The following KCNB2 variants were observed in gnomAD, a reference collection of about 807,000 sequenced individuals.
The protein encoded by KCNB2 is delayed rectifier potassium channel protein.
Under a neutral mutation model 61.5 loss-of-function variants are expected in KCNB2, and 15 were observed. That is an observed-to-expected ratio of 0.24 (90% confidence interval 0.16 to 0.38). KCNB2 has a LOEUF of 0.38. Ranked by LOEUF, KCNB2 falls within the 10% of genes least tolerant of loss-of-function variation. The pLI, the probability that KCNB2 is intolerant of heterozygous loss-of-function variation, is 1.00. For missense variants in KCNB2, 828 were observed against 1,125.2 expected (o/e 0.74, Z 3.78); for synonymous variants, 457 against 446.0 (o/e 1.02, Z -0.31).
chr8:72,672,058 G>T (rs531879188), intron 2 of KCNB2, among the ~76,000 whole-genome samples: 1 of 152,264 alleles, frequency 6.6e-6, no homozygotes, highest in African/African-American at 2.4e-5. Context: ...TGTGGCAATA[G>T]ATAACTGATA....
chr8:72,723,952 A>AT (rs1230809770), intron 2 of KCNB2, among the ~76,000 whole-genome samples: 3 of 151,936 alleles, frequency 2.0e-5, no homozygotes, highest in African/African-American at 2.4e-5. Flanking sequence ...TCCTGTATCG[A>AT]TTTTTTTTGG....
At chr8:72,676,822 G>A (rs970301306) in intron 2 of KCNB2, among the ~76,000 whole-genome samples, 5 of 152,034 alleles carry the variant, frequency 3.3e-5, no homozygotes, top group African/African-American at 4.8e-5. Flanking sequence ...CACTACCACC[G>A]CTAACCCTCA....
chr8:72,851,788 T>C (rs1250658336), intron 2 of KCNB2, among the ~76,000 whole-genome samples: 1 of 143,704 alleles, frequency 7.0e-6, no homozygotes, highest in Non-Finnish European at 1.5e-5. Context: ...CAAAGCGTTC[T>C]TTCTTCTTCC....
chr8:72,899,506 A>G (rs1195351755), intron 2 of KCNB2, among the ~76,000 whole-genome samples: 1 of 152,168 alleles, frequency 6.6e-6, no homozygotes, highest in African/African-American at 2.4e-5. Flanking sequence ...AGCTCCCAAA[A>G]CTGATAAATG....
rs186805146 is a variant in KCNB2, at chr8:72,629,094, C to T, written c.579+60781C>T. Among the ~76,000 whole-genome samples the T allele has an allele frequency of 9.7e-4, 148 of 152,290 alleles. 1 individual carries two copies. Among genetic ancestry groups the T allele is most frequent in the African/African-American group, 3.2e-3 (132 of 41,564 alleles). On this transcript the variant is annotated intron_variant, in intron 2 of 2. Transcript: ENST00000523207. The stretch of plus-strand genomic sequence containing the variant: ...AAAAAAAGAAGACATTTGAAGCATT[C>T]GTGTCACACAATAGTCTTGATGTAG...
intron 2 of KCNB2, among the ~76,000 whole-genome samples, chr8:72,738,021 C>G (rs1285783697): frequency 6.6e-6 from 1 of 152,092 alleles, no homozygotes; most frequent in Non-Finnish European, 1.5e-5. Flanking sequence ...CTATTTATAT[C>G]AAAAATATAC....
intron 2 of KCNB2, among the ~76,000 whole-genome samples, chr8:72,826,979 A>C (rs982026937): frequency 6.6e-6 from 1 of 152,250 alleles, no homozygotes; most frequent in African/African-American, 2.4e-5. Flanking sequence ...GCTGCAGAGA[A>C]AGGATCAAAC....
At chr8:72,797,191 C>G (rs766581517) in intron 2 of KCNB2, among the ~76,000 whole-genome samples, 1 of 152,086 alleles carries the variant, frequency 6.6e-6, no homozygotes, top group Non-Finnish European at 1.5e-5. Context: ...AAAAGAGAAT[C>G]CTTGTTTGCC....
intron 2 of KCNB2, among the ~76,000 whole-genome samples, chr8:72,927,685 C>T (rs1043386711): frequency 1.4e-4 from 21 of 152,234 alleles, no homozygotes; most frequent in African/African-American, 5.1e-4. Context: ...AACATAGAGG[C>T]ATCATTCACG....
chr8:72,639,710 C>T (rs1328602924), intron 2 of KCNB2, among the ~76,000 whole-genome samples: 1 of 151,960 alleles, frequency 6.6e-6, no homozygotes, highest in African/African-American at 2.4e-5. Flanking sequence ...CTAAAATCAC[C>T]AAGGAAGCTT....
intron 2 of KCNB2, among the ~76,000 whole-genome samples, chr8:72,646,756 G>A (rs1470137126): frequency 6.6e-6 from 1 of 152,158 alleles, no homozygotes; most frequent in Non-Finnish European, 1.5e-5. Context: ...AGTGCTTAGT[G>A]AGTATGAGGT....
chr8:72,689,865 C>T (rs945466011), intron 2 of KCNB2, among the ~76,000 whole-genome samples: 3 of 152,052 alleles, frequency 2.0e-5, no homozygotes, highest in African/African-American at 4.8e-5. Context: ...TTCTTCTGAT[C>T]GTGAGTCTGG....
intron 1 of KCNB2, among the ~76,000 whole-genome samples, chr8:72,562,730 A>G (rs530954134): frequency 4.7e-4 from 71 of 152,334 alleles, no homozygotes; most frequent in African/African-American, 1.6e-3. Context: ...ATTGCATTTT[A>G]TATTATACTT....
At chr8:72,852,078 T>TA (rs137962084) in intron 2 of KCNB2, among the ~76,000 whole-genome samples, 129,031 of 151,370 alleles carry the variant, frequency 0.85, 55,955 homozygotes, top group Middle Eastern at 0.96. Flanking sequence ...CTAAAAAAAT[T>TA]TAAAAAATAA....
intron 2 of KCNB2, among the ~76,000 whole-genome samples, chr8:72,630,120 T>C (rs1805856851): frequency 6.6e-6 from 1 of 152,190 alleles, no homozygotes; most frequent in Admixed American, 6.5e-5. Flanking sequence ...TACATCTCTT[T>C]CCTACTTAAC....
chr8:72,547,046 C>T (rs1333400507), intron 1 of KCNB2, among the ~76,000 whole-genome samples: 1 of 152,150 alleles, frequency 6.6e-6, no homozygotes, highest in Non-Finnish European at 1.5e-5. Context: ...TTCTGAGAAT[C>T]CTAGGGTCCT....
chr8:72,930,799 T>G (rs1406917017), intron 2 of KCNB2, among the ~76,000 whole-genome samples: 2 of 152,254 alleles, frequency 1.3e-5, no homozygotes, highest in East Asian at 3.8e-4. Flanking sequence ...CTCTTTAGTT[T>G]AATTAGATCC....
At chr8:72,716,449 A>G (rs534232411) in intron 2 of KCNB2, among the ~76,000 whole-genome samples, 4 of 152,324 alleles carry the variant, frequency 2.6e-5, no homozygotes, top group African/African-American at 7.2e-5. Context: ...CAACCCATCA[A>G]AAAGCTTATC....
At chr8:72,688,291 T>C (rs1420832617) in intron 2 of KCNB2, among the ~76,000 whole-genome samples, 1 of 152,206 alleles carries the variant, frequency 6.6e-6, no homozygotes, top group Non-Finnish European at 1.5e-5. Flanking sequence ...TGATTTCTTA[T>C]TGTTCTCTGA....
Sources: gnomAD v4.1 joint callset for allele counts (sites outside exome capture counted in the v4.1 genomes callset) on GRCh38, gnomAD v4.1.1 for gene constraint, MANE v1.5 for transcripts, NCBI Gene and HGNC (gene_info 2026-07-23, HGNC 2026-07-21) for gene names.